Variants in SPTAN1 observed in about 807,000 individuals in gnomAD.
SPTAN1 encodes the protein spectrin alpha chain, non-erythrocytic 1.
SPTAN1 carries 61 observed loss-of-function variants against 331.3 expected under a neutral mutation model. The ratio of observed to expected loss-of-function variants is 0.18; its 90% CI spans 0.15 to 0.23. SPTAN1 has a LOEUF of 0.23. Ranked by LOEUF, SPTAN1 falls within the 10% of genes least tolerant of loss-of-function variation. The pLI, the probability that SPTAN1 is intolerant of heterozygous loss-of-function variation, is 1.00. For missense variants in SPTAN1, 2,043 were observed against 3,147.9 expected (o/e 0.65, Z 8.40); for synonymous variants, 1,153 against 1,173.9 (o/e 0.98, Z 0.36).
intron 1 of SPTAN1, among the ~76,000 whole-genome samples, chr9:128,564,035 G>A (rs1849717200): frequency 6.6e-6 from 1 of 152,036 alleles, no homozygotes; most frequent in Non-Finnish European, 1.5e-5. Flanking sequence ...CACTTTGGAA[G>A]ACCGGAGGTG....
rs145554993 is a variant in SPTAN1, at chr9:128,575,223, C to T, written c.529C>T (p.Leu177=). ...GGAAGCAATTGTTACTTCTGAAGAGCTGGGCCAGGATCTGGAGCATGTAGA... is the reference window on the plus strand; with the variant it reads ...GGAAGCAATTGTTACTTCTGAAGAGTTGGGCCAGGATCTGGAGCATGTAGA... ...DKEAIVTSEE[L]GQDLEHVEVL... is the part of the protein sequence containing the mutation. The change falls in exon 5 of 57, where the codon CTG becomes TTG. Residue 177 remains leucine (L), a synonymous_variant. Coordinates refer to ENST00000372739, the MANE Select transcript of SPTAN1 (RefSeq NM_001130438.3). 12 of 1,614,004 alleles carry T rather than the reference C, an allele frequency of 7.4e-6. No homozygotes were observed. The African/African-American group carries it at 1.5e-4, about 20-fold the overall frequency.
rs907830694 is a variant in SPTAN1, at chr9:128,629,386, G to C, written c.6708-935G>C. Reference sequence around the variant, plus strand: ...TTCCCCGGGGGGACATGGCGTGACTGTGAGTCTGACCTGCTGGGGTAGGAG... The same window carrying C: ...TTCCCCGGGGGGACATGGCGTGACTCTGAGTCTGACCTGCTGGGGTAGGAG... On this transcript the variant is annotated intron_variant, in intron 51 of 56. Transcript: ENST00000372739. The surrounding 1 kb of genome is among the most constrained non-coding windows in gnomAD (Gnocchi z 4.9). 6.6e-6 allele frequency among the ~76,000 whole-genome samples: 1 copy of C among 151,978 alleles called. No homozygotes were observed. Among genetic ancestry groups the C allele is most frequent in the African/African-American group, 2.4e-5 (1 of 41,386 alleles).
Position 128,594,160 on chromosome 9 carries a change from C to T in SPTAN1, c.3216-15C>T. 6.2e-7 allele frequency: 1 copy of T among 1,614,062 alleles called. No homozygotes were observed. The highest frequency in any genetic ancestry group is 8.5e-7 in the Non-Finnish European group (1 of 1,179,944). On this transcript the variant is annotated splice_polypyrimidine_tract_variant and intron_variant, in intron 23 of 56. Transcript: ENST00000372739. ...CCTTCCTTGTCCCTCTTGTCACCCT[C>T]TTGAATTCCATCAGATATCATTCTC...
intron 2 of SPTAN1, among the ~76,000 whole-genome samples, chr9:128,567,777 T>G (rs1850208231): frequency 6.6e-6 from 1 of 152,136 alleles, no homozygotes. Context: ...TTTTTTTTTT[T>G]GAGACGGAGT....
intron 1 of SPTAN1, among the ~76,000 whole-genome samples, chr9:128,565,685 C>G (rs904628587): frequency 1.4e-4 from 21 of 152,346 alleles, no homozygotes; most frequent in African/African-American, 5.1e-4. Flanking sequence ...AACTCTTAGC[C>G]TACTCACCCT....
Position 128,577,574 on chromosome 9 carries a change from G to A in SPTAN1, c.1085+68G>A, listed in dbSNP as rs1267784932. On this transcript the variant is annotated intron_variant, in intron 8 of 56. Transcript: ENST00000372739. The surrounding 1 kb of genome is among the most constrained non-coding windows in gnomAD (Gnocchi z 4.2). ...CTTTTTTGGAAGCAGGAATAGCAGA[G>A]TTAAGGGTCTGTTCTGTGTTCTGTG... 5 of 1,598,622 alleles carry A rather than the reference G, an allele frequency of 3.1e-6. No individual in the cohort carries two copies. In the African/African-American group the frequency reaches 4.0e-5, roughly 13 times the overall value.
intron 12 of SPTAN1, among the ~76,000 whole-genome samples, chr9:128,582,098 C>G (rs151215019): frequency 4.4e-3 from 673 of 152,264 alleles, no homozygotes; most frequent in Non-Finnish European, 6.9e-3. Flanking sequence ...TGGAAACCTC[C>G]AAACTTCTTT....
intron 31 of SPTAN1, among the ~76,000 whole-genome samples, chr9:128,606,696 G>T (rs921021598): frequency 9.2e-5 from 14 of 151,972 alleles, no homozygotes; most frequent in Admixed American, 7.9e-4. Context: ...ATGTTGGTCA[G>T]GCTGGTCTCG....
At chr9:128,590,780 G>A (rs1853385108) in intron 21 of SPTAN1, among the ~76,000 whole-genome samples, 1 of 151,988 alleles carries the variant, frequency 6.6e-6, no homozygotes, top group Non-Finnish European at 1.5e-5. Flanking sequence ...AAACCCAGGA[G>A]GCAGAGGTTG....
At position 128,594,316 on chromosome 9, in the gene SPTAN1, C is replaced by T. The variant is rs1279884865; in HGVS notation, c.3357C>T (p.Val1119=). ...EKEAALTSEE[V]GADLEQVEVL... is the part of the protein sequence containing the mutation. ...AAGCCGCTCTGACAAGTGAGGAGGTCGGAGCAGACTTGGAGCAGGTTGAGG... is the reference window on the plus strand; with the variant it reads ...AAGCCGCTCTGACAAGTGAGGAGGTTGGAGCAGACTTGGAGCAGGTTGAGG... Residue 1119 remains valine, a synonymous_variant, in exon 24 of 57, where the codon GTC becomes GTT. Coordinates refer to ENST00000372739, the MANE Select transcript of SPTAN1 (RefSeq NM_001130438.3). 9 of 1,613,714 alleles carry T rather than the reference C, an allele frequency of 5.6e-6. No homozygotes were observed. Among genetic ancestry groups the T allele is most frequent in the African/African-American group, 1.3e-5 (1 of 74,824 alleles).
intron 11 of SPTAN1, among the ~76,000 whole-genome samples, 177 bp from the exon 12 acceptor site, chr9:128,581,605 T>C (rs1422153551): frequency 1.3e-5 from 2 of 152,216 alleles, no homozygotes; most frequent in South Asian, 2.1e-4. Flanking sequence ...TATGGCTGGA[T>C]TGATTTTAAG....
At position 128,607,834 on chromosome 9, in the gene SPTAN1, C is replaced by T. The variant is rs770634123; in HGVS notation, c.4147-18C>T. ...GCATCTGCTGCCAGTTACCTAATCCCTTCCCTCCTTTTGGCAGGAACACCG... is the reference window on the plus strand; with the variant it reads ...GCATCTGCTGCCAGTTACCTAATCCTTTCCCTCCTTTTGGCAGGAACACCG... On this transcript the variant is annotated intron_variant, in intron 32 of 56. Coordinates refer to ENST00000372739, the MANE Select transcript of SPTAN1 (RefSeq NM_001130438.3). The T allele has an allele frequency of 1.9e-6, 3 of 1,613,766 alleles. No homozygotes were observed. Among genetic ancestry groups the T allele is most frequent in the Non-Finnish European group, 1.7e-6 (2 of 1,180,036 alleles).
At chr9:128,588,394 C>T (rs1177362490) in intron 20 of SPTAN1, among the ~76,000 whole-genome samples, 1 of 145,816 alleles carries the variant, frequency 6.9e-6, no homozygotes, top group African/African-American at 2.5e-5. Flanking sequence ...TCACCGCAAC[C>T]TCCGCCTCCC....
rs566117672 is a variant in SPTAN1, at chr9:128,618,412, A to C, written c.5600+304A>C. On this transcript the variant is annotated intron_variant, in intron 43 of 56. Coordinates refer to ENST00000372739, the MANE Select transcript of SPTAN1 (RefSeq NM_001130438.3). Reference sequence around the variant, plus strand: ...CAGAAATCAAGACATGAGAGTCTGGAATCACAGAGTGGGTGATTCATGATG... The same window carrying C: ...CAGAAATCAAGACATGAGAGTCTGGCATCACAGAGTGGGTGATTCATGATG... Among the ~76,000 whole-genome samples the C allele has an allele frequency of 8.5e-5, 13 of 152,152 alleles. No individual in the cohort carries two copies. In the South Asian group the frequency reaches 2.7e-3, roughly 32 times the overall value.
chr9:128,591,344 G>T lies in SPTAN1; in HGVS notation c.3007-133G>T. The T allele has an allele frequency of 5.4e-6, 6 of 1,109,386 alleles. 1 individual carries two copies. The highest frequency in any genetic ancestry group is 5.1e-5 in the South Asian group (4 of 78,706). The allele number at this position is 1,109,386 out of a possible 1,614,324, so 68.7% of individuals were successfully genotyped here. A position where few individuals can be genotyped will look rare whatever the true frequency, so the allele number is the denominator to read the frequency against. The stretch of plus-strand genomic sequence containing the variant: ...GTCTCCCAAAGTGCTGGGATTATAG[G>T]TGTGAGCCACTGTGGCCGGCCGTTT... On this transcript the variant is annotated intron_variant, in intron 21 of 56. Transcript: ENST00000372739.
chr9:128,597,811 T>C (rs1411239833), intron 24 of SPTAN1, among the ~76,000 whole-genome samples: 2 of 144,790 alleles, frequency 1.4e-5, no homozygotes, highest in African/African-American at 5.2e-5. Flanking sequence ...CCACCGCGCC[T>C]AGCTAATTTT....
At chr9:128,562,708 A>ATAT (rs55678119) in intron 1 of SPTAN1, among the ~76,000 whole-genome samples, 147,540 of 151,904 alleles carry the variant, frequency 0.97, 71,813 homozygotes, top group East Asian at 1. Flanking sequence ...TTATCATTAA[A>ATAT]TATTACAAAA....
intron 1 of SPTAN1, among the ~76,000 whole-genome samples, chr9:128,562,572 G>A (rs556354274): frequency 1.3e-4 from 20 of 152,300 alleles, no homozygotes; most frequent in African/African-American, 4.8e-4. Flanking sequence ...AGGTGACTGA[G>A]TGAAGTCTTG....
At chr9:128,632,510 C>A in intron 54 of SPTAN1, 26 bp downstream of exon 54, 1 of 1,614,144 alleles carries the variant, frequency 6.2e-7, no homozygotes, top group Non-Finnish European at 8.5e-7. Context: ...CTCGCCCTGG[C>A]TGGGTGGGGG....
Sources: allele counts gnomAD v4.1 joint callset (sites outside exome capture counted in the v4.1 genomes callset), GRCh38; gene constraint gnomAD v4.1.1; non-coding constraint Gnocchi (gnomAD v3.1); transcripts MANE v1.5; gene names NCBI Gene and HGNC (gene_info 2026-07-23, HGNC 2026-07-21).